DNAH11: variants seen among roughly 807,000 people sequenced by gnomAD.
DNAH11 encodes axonemal beta dynein heavy chain 11.
In DNAH11, 442 loss-of-function variants were observed where a neutral mutation model predicts 526.0. That is an observed-to-expected ratio of 0.84 (90% CI 0.78 to 0.91). The LOEUF (loss-of-function observed/expected upper bound fraction) is 0.91, where lower values mean the gene tolerates loss of function less well. Ranked by LOEUF, DNAH11 falls within the 40% of genes least tolerant of loss-of-function variation. The pLI is 0.00. For missense variants in DNAH11, 6,989 were observed against 5,448.7 expected (o/e 1.28, Z -8.90); for synonymous variants, 2,461 against 1,935.9 (o/e 1.27, Z -7.12).
intron 9 of DNAH11, among the ~76,000 whole-genome samples, chr7:21,586,549 T>G (rs559718450): frequency 5.3e-5 from 8 of 152,222 alleles, no homozygotes; most frequent in Non-Finnish European, 1.2e-4. Context: ...GTTTCTATAA[T>G]TTTTTCATGG....
intron 62 of DNAH11, among the ~76,000 whole-genome samples, chr7:21,802,999 A>T (rs903803440): frequency 2.7e-4 from 41 of 151,050 alleles, no homozygotes; most frequent in African/African-American, 9.9e-4. Context: ...TTAATGGGTG[A>T]ATTTCATGGT....
intron 69 of DNAH11, among the ~76,000 whole-genome samples, chr7:21,863,213 AG>A (rs769135461): frequency 3.5e-4 from 54 of 152,358 alleles, no homozygotes; most frequent in Non-Finnish European, 4.4e-4. Context: ...TGTTAAGGAA[AG>A]GTCTATGTCT....
At chr7:21,684,024 G>T in intron 32 of DNAH11, 80 bp downstream of exon 32, 2 of 1,400,052 alleles carry the variant, frequency 1.4e-6, no homozygotes, top group South Asian at 1.3e-5. Context: ...AGGAAGGAAT[G>T]AGAGGAAACG....
intron 45 of DNAH11, among the ~76,000 whole-genome samples, chr7:21,727,768 G>A (rs1487170737): frequency 1.3e-5 from 2 of 152,264 alleles, no homozygotes; most frequent in Middle Eastern, 3.4e-3. Flanking sequence ...TTCATTTCCT[G>A]GAGCTGCCAT....
chr7:21,671,609 T>A (rs1469089468), intron 30 of DNAH11, among the ~76,000 whole-genome samples: 1 of 152,170 alleles, frequency 6.6e-6, no homozygotes, highest in African/African-American at 2.4e-5. Flanking sequence ...AGAACTAATC[T>A]TTGACGTTAT....
intron 18 of DNAH11, among the ~76,000 whole-genome samples, chr7:21,604,824 A>C (rs1165321001): frequency 6.6e-6 from 1 of 152,156 alleles, no homozygotes; most frequent in Non-Finnish European, 1.5e-5. Flanking sequence ...GACTCCATGG[A>C]ATACTTAGGT....
chr7:21,683,776 G>A lies in DNAH11; in HGVS notation c.5461-8G>A, dbSNP rs963415898. 1 of 1,593,534 alleles carries A rather than the reference G, an allele frequency of 6.3e-7. No individual in the cohort carries two copies. Among genetic ancestry groups the A allele is most frequent in the Non-Finnish European group, 8.5e-7 (1 of 1,169,622 alleles). ...GTCCTGCGTATGATGATTATGCAAT[G>A]CCTTTAGGTTGTCAGTCCCCAAGCT... On this transcript the variant is annotated splice_polypyrimidine_tract_variant and splice_region_variant and intron_variant, in intron 31 of 81. Transcript: ENST00000409508.
At chr7:21,760,034 C>G (rs1250432029) in intron 54 of DNAH11, among the ~76,000 whole-genome samples, 1 of 150,050 alleles carries the variant, frequency 6.7e-6, no homozygotes, top group African/African-American at 2.5e-5. Flanking sequence ...GCGTTTTTAA[C>G]TTTATTTTTT....
chr7:21,843,822 G>C (rs1782310643), intron 66 of DNAH11, among the ~76,000 whole-genome samples: 1 of 152,032 alleles, frequency 6.6e-6, no homozygotes, highest in Non-Finnish European at 1.5e-5. Flanking sequence ...GTATTGAAAT[G>C]GTGATGTGAA....
chr7:21,602,337 C>G (rs1785123090), intron 18 of DNAH11, among the ~76,000 whole-genome samples: 1 of 152,028 alleles, frequency 6.6e-6, no homozygotes, highest in Admixed American at 6.6e-5. Context: ...GACTCCTTCT[C>G]AAAATAATAA....
At chr7:21,604,791 C>T (rs1474062228) in intron 18 of DNAH11, among the ~76,000 whole-genome samples, 4 of 152,198 alleles carry the variant, frequency 2.6e-5, no homozygotes, top group African/African-American at 7.2e-5. Flanking sequence ...TTCCTCCTGG[C>T]TTCCCAGCCA....
intron 9 of DNAH11, among the ~76,000 whole-genome samples, chr7:21,585,327 G>A (rs1333925080): frequency 6.6e-6 from 1 of 152,150 alleles, no homozygotes; most frequent in African/African-American, 2.4e-5. Flanking sequence ...TGCTGCAAGT[G>A]TAATGGCAGA....
Position 21,802,968 on chromosome 7 carries a change from TA to T in DNAH11, c.10165+1699del, listed in dbSNP as rs544011862. Among the ~76,000 whole-genome samples, 1,102 of 149,932 alleles carry T rather than the reference TA, an allele frequency of 7.3e-3. 16 individuals carry two copies. Among genetic ancestry groups the T allele is most frequent in the African/African-American group, 0.024 (981 of 40,588 alleles). ...TATATAATATATATATATAATGTAG[TA>T]AAAAACACTGCTGTATATTTTAATG... is the stretch of plus-strand genomic sequence containing the variant. On this transcript the variant is annotated intron_variant, in intron 62 of 81. Transcript: ENST00000409508.
intron 41 of DNAH11, 39 bp from the exon 42 acceptor site, chr7:21,711,673 T>C: frequency 1.3e-6 from 2 of 1,591,118 alleles, no homozygotes; most frequent in Middle Eastern, 1.7e-4. Flanking sequence ...TTTGCGGCAT[T>C]GCTTTTGCCC....
chr7:21,707,606 A>G lies in DNAH11; in HGVS notation c.6547-93A>G, dbSNP rs907533382. 7.6e-6 allele frequency: 11 copies of G among 1,449,032 alleles called. No homozygotes were observed. The East Asian group carries it at 1.7e-4, about 22-fold the overall frequency. The allele number at this position is 1,449,032 out of a possible 1,614,324, so 89.8% of individuals were successfully genotyped here. On this transcript the variant is annotated intron_variant, in intron 39 of 81. Transcript: ENST00000409508. Reference sequence around the variant, plus strand: ...GCACACACACAGCATCTAGGAACATATAATGAATACGGAAAACTCTTCAGA... The same window carrying G: ...GCACACACACAGCATCTAGGAACATGTAATGAATACGGAAAACTCTTCAGA...
chr7:21,567,616 G>T (rs188725163), intron 6 of DNAH11, among the ~76,000 whole-genome samples: 6 of 152,330 alleles, frequency 3.9e-5, no homozygotes, highest in Admixed American at 6.5e-5. Flanking sequence ...CCTTAAGGTG[G>T]AACAGGTGCT....
chr7:21,565,575 CCT>C (rs1783633779), intron 6 of DNAH11, among the ~76,000 whole-genome samples: 1 of 152,100 alleles, frequency 6.6e-6, no homozygotes, highest in Non-Finnish European at 1.5e-5. Flanking sequence ...ATCTCTCTTC[CCT>C]CTCTGATTCT....
chr7:21,565,195 T>C (rs776850101), intron 6 of DNAH11, among the ~76,000 whole-genome samples: 69 of 152,282 alleles, frequency 4.5e-4, no homozygotes, highest in Non-Finnish European at 7.5e-4. Flanking sequence ...CAGATTCTGG[T>C]GGGGGCCCTC....
chr7:21,874,675 AC>A (rs1783637604), intron 74 of DNAH11, among the ~76,000 whole-genome samples: 1 of 151,786 alleles, frequency 6.6e-6, no homozygotes, highest in African/African-American at 2.4e-5. Context: ...ATAAATACAT[AC>A]GTATATATAC....
Sources: gnomAD v4.1 joint callset for allele counts (sites outside exome capture counted in the v4.1 genomes callset) on GRCh38, gnomAD v4.1.1 for gene constraint, MANE v1.5 for transcripts, NCBI Gene and HGNC (gene_info 2026-07-23, HGNC 2026-07-21) for gene names.